The following ANKRD30A variants were observed in gnomAD, a reference collection of about 807,000 sequenced individuals.
ANKRD30A encodes ankyrin repeat domain 30A.
A neutral mutation model predicts 166.3 loss-of-function variants in ANKRD30A; 170 were observed. The ratio of observed to expected loss-of-function variants is 1.02; its 90% CI spans 0.90 to 1.16. The LOEUF is 1.16. Among genes scored for constraint, ANKRD30A ranks in the 50% most tolerant of loss-of-function variants. The pLI is 0.00. For missense variants in ANKRD30A, 1,630 were observed against 1,518.0 expected, an observed-to-expected ratio of 1.07 and a Z score of -1.23; for synonymous variants, 564 against 508.9, an observed-to-expected ratio of 1.11 and a Z score of -1.46.
At chr10:37,150,210 T>A (rs2132554064) in intron 11 of ANKRD30A, among the ~76,000 whole-genome samples, 1 of 152,200 alleles carries the variant, frequency 6.6e-6, no homozygotes, top group African/African-American at 2.4e-5. Context: ...GGGGATCACG[T>A]CTTTTACTGA....
chr10:37,196,429 G>C (rs1312046819), intron 27 of ANKRD30A, among the ~76,000 whole-genome samples: 1 of 152,112 alleles, frequency 6.6e-6, no homozygotes, highest in South Asian at 2.1e-4. Context: ...TTAAGGAAGT[G>C]TGTTGTTTTG....
At chr10:37,254,100 C>G in the ANKRD30A span, among the ~76,000 whole-genome samples, 1 of 152,128 alleles carries the variant, frequency 6.6e-6, no homozygotes, top group African/African-American at 2.4e-5. Flanking sequence ...TCTGAACAGG[C>G]TACTGTGAAT....
chr10:37,162,573 T>C, intron 15 of ANKRD30A, 76 bp from the exon 16 acceptor site: 1 of 1,575,902 alleles, frequency 6.3e-7, no homozygotes, highest in Middle Eastern at 2.3e-4. Flanking sequence ...GTCAGTTAAA[T>C]ACTATCACGG....
chr10:37,251,160 C>T, the ANKRD30A span, among the ~76,000 whole-genome samples: 7 of 152,118 alleles, frequency 4.6e-5, no homozygotes, highest in Admixed American at 2.0e-4. Context: ...GAAAAACATA[C>T]AATCTGGCAA....
intron 27 of ANKRD30A, 137 bp downstream of exon 27, chr10:37,193,395 A>G (rs1185604305): frequency 1.6e-6 from 2 of 1,239,020 alleles, no homozygotes; most frequent in East Asian, 5.2e-5. Flanking sequence ...TGCCAATGTG[A>G]GTATTTCTGT....
intron 26 of ANKRD30A, 32 bp from the exon 27 acceptor site, chr10:37,193,154 A>G: frequency 3.1e-6 from 5 of 1,608,376 alleles, no homozygotes; most frequent in African/African-American, 2.7e-5. Flanking sequence ...TATACATTGT[A>G]TATTAATTGT....
intron 19 of ANKRD30A, among the ~76,000 whole-genome samples, chr10:37,167,128 A>C (rs559013072): frequency 2.6e-5 from 4 of 151,854 alleles, no homozygotes; most frequent in Admixed American, 2.0e-4. Context: ...ATTTTCTATG[A>C]AGGAAAATGG....
At position 37,162,693 on chromosome 10, in the gene ANKRD30A, A is replaced by T. The variant is rs754984437; in HGVS notation, c.1929+16A>T. On this transcript the variant is annotated intron_variant, in intron 16 of 35. Transcript: ENST00000361713. The stretch of plus-strand genomic sequence containing the variant: ...TGCCTTCGAGGTATTTAGTTTTATG[A>T]TTTCATTTTGAATGACTTATTATCT... 2 of 1,612,710 alleles carry T rather than the reference A, an allele frequency of 1.2e-6. No homozygotes were observed. The highest frequency in any genetic ancestry group is 1.7e-5 in the Admixed American group (1 of 59,956).
At position 37,152,151 on chromosome 10, in the gene ANKRD30A, A is replaced by G. The variant is rs778866106; in HGVS notation, c.1707+30A>G. On this transcript the variant is annotated intron_variant, in intron 12 of 35. Transcript: ENST00000361713. ...TATGTGTTATTGATTTTTTTTTAAT[A>G]TTAGTATTGCATGATATGAAAACAT... The G allele has an allele frequency of 8.5e-6, 13 of 1,521,208 alleles. No homozygotes were observed. The East Asian group carries it at 9.1e-5, about 11-fold the overall frequency. The allele number at this position is 1,521,208 out of a possible 1,614,324, so 94.2% of individuals were successfully genotyped here. A position where few individuals can be genotyped will look rare whatever the true frequency, so the allele number is the denominator to read the frequency against.
At chr10:37,199,261 AG>A (rs1239651711) in intron 29 of ANKRD30A, among the ~76,000 whole-genome samples, 1 of 152,132 alleles carries the variant, frequency 6.6e-6, no homozygotes, top group Admixed American at 6.5e-5. Flanking sequence ...GACATCAAAA[AG>A]TTAATATTCC....
the ANKRD30A span, among the ~76,000 whole-genome samples, chr10:37,247,610 G>A: frequency 4.7e-4 from 71 of 151,716 alleles, no homozygotes; most frequent in African/African-American, 1.6e-3. Context: ...AGTGGCTCAC[G>A]CCTGTAATCC....
intron 5 of ANKRD30A, among the ~76,000 whole-genome samples, 161 bp downstream of exon 5, chr10:37,134,214 A>G (rs1446676365): frequency 2.0e-5 from 3 of 152,158 alleles, no homozygotes; most frequent in Non-Finnish European, 4.4e-5. Context: ...ACTTTCAACA[A>G]CTTTATCCCT....
intron 5 of ANKRD30A, among the ~76,000 whole-genome samples, chr10:37,134,690 C>T (rs1462559167): frequency 6.6e-6 from 1 of 152,300 alleles, no homozygotes; most frequent in Non-Finnish European, 1.5e-5. Context: ...TAGCCACACA[C>T]GTAGTGAGCA....
intron 7 of ANKRD30A, among the ~76,000 whole-genome samples, chr10:37,143,803 T>C (rs1837322954): frequency 6.6e-6 from 1 of 151,890 alleles, no homozygotes; most frequent in Non-Finnish European, 1.5e-5. Flanking sequence ...TTTGGTAAGC[T>C]GAATTTGGCC....
the ANKRD30A span, chr10:37,264,460 T>C: frequency 5.0e-6 from 1 of 199,990 alleles, no homozygotes; most frequent in South Asian, 1.4e-4. Context: ...GATTCTGTAG[T>C]GGGTGGAGTT....
chr10:37,130,639 GT>G (rs965646424), intron 3 of ANKRD30A, among the ~76,000 whole-genome samples: 24 of 151,522 alleles, frequency 1.6e-4, no homozygotes, highest in Admixed American at 8.6e-4. Context: ...TCCCATCCAA[GT>G]TTTTTTTTCT....
chr10:37,158,522 C>T lies in ANKRD30A; in HGVS notation c.1836C>T (p.Cys612=), dbSNP rs564834347. 24 of 1,613,240 alleles carry T rather than the reference C, an allele frequency of 1.5e-5. No homozygotes were observed. Among genetic ancestry groups the T allele is most frequent in the South Asian group, 2.2e-5 (2 of 90,954 alleles). The change falls in exon 15 of 36, where the codon TGC becomes TGT. Residue 612 remains cysteine, a synonymous_variant. Coordinates refer to ENST00000361713, the MANE Select transcript of ANKRD30A (RefSeq NM_052997.3). ...PNKDGLLKAT[C]GMKVSIPTKA... ...TTTCCAAACCCATTTAGGCTACCTG[C>T]GGAATGAAAGTTTCTATTCCAACTA...
chr10:37,206,066 A>C (rs1010100629), intron 31 of ANKRD30A, among the ~76,000 whole-genome samples: 4 of 152,206 alleles, frequency 2.6e-5, no homozygotes, highest in African/African-American at 7.2e-5. Flanking sequence ...TAGATGCACG[A>C]TATTACTTCT....
intron 34 of ANKRD30A, among the ~76,000 whole-genome samples, chr10:37,223,833 A>G (rs1033431251): frequency 6.6e-6 from 1 of 151,214 alleles, no homozygotes; most frequent in South Asian, 2.1e-4. Flanking sequence ...CTGAAGATAG[A>G]AAAGAGAAAT....
Sources: allele counts gnomAD v4.1 joint callset (sites outside exome capture counted in the v4.1 genomes callset), GRCh38; gene constraint gnomAD v4.1.1; transcripts MANE v1.5; gene names NCBI Gene and HGNC (gene_info 2026-07-23, HGNC 2026-07-21).